SLC39A11: variants seen among roughly 807,000 people sequenced by gnomAD.
SLC39A11 encodes solute carrier family 39 member 11.
SLC39A11 carries 33 observed loss-of-function variants against 36.1 expected under a neutral mutation model. The ratio of observed to expected loss-of-function variants is 0.91; its 90% CI spans 0.69 to 1.22. The LOEUF (loss-of-function observed/expected upper bound fraction) is 1.22, where lower values mean the gene tolerates loss of function less well. Among genes scored for constraint, SLC39A11 ranks in the 50% most tolerant of loss-of-function variants. SLC39A11 has a pLI of 0.00. For synonymous variants in SLC39A11, 166 were observed against 170.3 expected (o/e 0.97, Z 0.20); for missense variants, 432 against 430.3 (o/e 1.00, Z -0.03).
At chr17:72,964,277 TA>T (rs1002180765) in intron 4 of SLC39A11, among the ~76,000 whole-genome samples, 1 of 152,228 alleles carries the variant, frequency 6.6e-6, no homozygotes, top group African/African-American at 2.4e-5. Flanking sequence ...CAAATTAACC[TA>T]AAGTTACAAA....
intron 7 of SLC39A11, among the ~76,000 whole-genome samples, chr17:72,664,621 C>A (rs1193005286): frequency 6.6e-6 from 1 of 152,194 alleles, no homozygotes; most frequent in Non-Finnish European, 1.5e-5. Context: ...CTGCTTCCAC[C>A]TTTGCCCCTA....
At chr17:72,673,239 G>A (rs2071096352) in intron 7 of SLC39A11, among the ~76,000 whole-genome samples, 1 of 152,066 alleles carries the variant, frequency 6.6e-6, no homozygotes, top group Non-Finnish European at 1.5e-5. Flanking sequence ...TGAGTAGCTG[G>A]GATTACAGGT....
rs151224730 is a variant in SLC39A11, at chr17:72,678,609, G to A, written c.672-29341C>T. Among the ~76,000 whole-genome samples, 746 of 152,186 alleles carry A rather than the reference G, an allele frequency of 4.9e-3. 11 individuals carry two copies. The highest frequency in any genetic ancestry group is 0.017 in the African/African-American group (712 of 41,514). On this transcript the variant is annotated intron_variant, in intron 7 of 9. Coordinates refer to ENST00000255559, the MANE Select transcript of SLC39A11 (RefSeq NM_139177.4). ...AATCCCAGCTACTCGGGAGGCTGAG[G>A]CAGGAGAATTGCTTGAACCCAGGAG...
Position 72,827,054 on chromosome 17 carries a change from C to T in SLC39A11, c.601+22580G>A, listed in dbSNP as rs185118237. 2.7e-3 allele frequency among the ~76,000 whole-genome samples: 410 copies of T among 152,212 alleles called. 1 individual carries two copies. Among genetic ancestry groups the T allele is most frequent in the Non-Finnish European group, 4.3e-3 (292 of 68,014 alleles). ...ATACAAAAACTTGTACATGAAAGTA[C>T]AGAGCAGCACTATTCATAATAGTCC... On this transcript the variant is annotated intron_variant, in intron 6 of 9. Transcript: ENST00000255559.
intron 4 of SLC39A11, among the ~76,000 whole-genome samples, chr17:72,968,172 C>T (rs2087159533): frequency 1.3e-5 from 2 of 152,080 alleles, no homozygotes; most frequent in African/African-American, 2.4e-5. Context: ...TAGCTGTTGC[C>T]CCAGAAACCC....
At position 73,031,648 on chromosome 17, in the gene SLC39A11, C is replaced by A. The variant is rs1250404649; in HGVS notation, c.214G>T (p.Gly72Cys). 1.2e-6 allele frequency: 2 copies of A among 1,614,124 alleles called. No individual in the cohort carries two copies. Among genetic ancestry groups the A allele is most frequent in the Non-Finnish European group, 1.7e-6 (2 of 1,180,024 alleles). The stretch of plus-strand genomic sequence containing the variant: ...GGGAAGAAGGCAAAGGCACCGAAGC[C>A]CCCAGAGGACGTGGCCATCTCAACT... Reference protein sequence around the residue: ...PAVEMATSSGGFGAFAFFPVA... With the variant: ...PAVEMATSSGCFGAFAFFPVA... The change falls in exon 4 of 10, where the codon GGC becomes TGC. Residue 72 changes from glycine to cysteine, a missense_variant. Gly to Cys is a radical substitution (Grantham distance 159). Transcript: ENST00000255559.
At chr17:72,702,708 G>A (rs912851400) in intron 7 of SLC39A11, among the ~76,000 whole-genome samples, 6 of 151,906 alleles carry the variant, frequency 3.9e-5, no homozygotes, top group East Asian at 1.9e-4. Flanking sequence ...AGGCTGAGGC[G>A]GGTGGATCAC....
At chr17:73,047,319 C>T (rs1368587650) in intron 3 of SLC39A11, among the ~76,000 whole-genome samples, 1 of 152,022 alleles carries the variant, frequency 6.6e-6, no homozygotes, top group African/African-American at 2.4e-5. Flanking sequence ...CCACCGCGCC[C>T]GGCAAGAAGA....
chr17:72,882,929 T>C (rs1225298709), intron 5 of SLC39A11, among the ~76,000 whole-genome samples: 3 of 151,734 alleles, frequency 2.0e-5, no homozygotes, highest in Non-Finnish European at 4.4e-5. Flanking sequence ...CCCCAGTAGC[T>C]GGGATTACAG....
At chr17:72,964,027 G>A (rs778801214) in intron 4 of SLC39A11, among the ~76,000 whole-genome samples, 5 of 152,124 alleles carry the variant, frequency 3.3e-5, no homozygotes, top group Admixed American at 1.3e-4. Context: ...GGCAAAAGCT[G>A]CTAGGACCCC....
intron 6 of SLC39A11, chr17:72,838,953 C>T (rs966986855): frequency 6.6e-6 from 1 of 152,186 alleles, no homozygotes; most frequent in African/African-American, 2.4e-5. Context: ...CCCCACTGCA[C>T]ATGTATAAGC....
In SLC39A11 at chr17:72,699,109, G is replaced by A. The variant is rs560982444; in HGVS notation, c.671+37541C>T. On this transcript the variant is annotated intron_variant, in intron 7 of 9. Coordinates refer to ENST00000255559, the MANE Select transcript of SLC39A11 (RefSeq NM_139177.4). ...CTCCCAAAGTGCTGGGATTACAGGG[G>A]TGAGCCACAGCGCCTGGCCGGAGGT... 2.2e-4 allele frequency among the ~76,000 whole-genome samples: 34 copies of A among 152,232 alleles called. No homozygotes were observed. In the South Asian group the frequency reaches 4.6e-3, roughly 20 times the overall value.
intron 4 of SLC39A11, among the ~76,000 whole-genome samples, chr17:73,017,653 C>T (rs1194295712): frequency 2.6e-5 from 4 of 152,046 alleles, no homozygotes; most frequent in African/African-American, 7.3e-5. Flanking sequence ...GCGGAGGTTG[C>T]GGTGAGCTAA....
At chr17:73,084,437 CAAAAAAAAA>C (rs67639617) in intron 3 of SLC39A11, among the ~76,000 whole-genome samples, 11 of 61,648 alleles carry the variant, frequency 1.8e-4, no homozygotes, top group African/African-American at 6.6e-4. Context: ...GGCTCTGTCT[CAAAAAAAAA>C]AAAAAAAAAA....
rs2086034773 is a variant in SLC39A11, at chr17:72,953,683, A to C, written c.307-5808T>G. Among the ~76,000 whole-genome samples, 8 of 152,362 alleles carry C rather than the reference A, an allele frequency of 5.3e-5. No individual in the cohort carries two copies. The South Asian group carries it at 1.4e-3, about 28-fold the overall frequency. On this transcript the variant is annotated intron_variant, in intron 4 of 9. Coordinates refer to ENST00000255559, the MANE Select transcript of SLC39A11 (RefSeq NM_139177.4). ...CCCTACAAAGCACGTTGGGTGTCATAGAACCGCAGACCCTGCAGCCCTCAA... is the reference window on the plus strand; with the variant it reads ...CCCTACAAAGCACGTTGGGTGTCATCGAACCGCAGACCCTGCAGCCCTCAA...
At chr17:72,915,751 C>T (rs1567946436) in intron 5 of SLC39A11, among the ~76,000 whole-genome samples, 1 of 152,250 alleles carries the variant, frequency 6.6e-6, no homozygotes, top group South Asian at 2.1e-4. Context: ...TCCCACGCCT[C>T]GTCAGCCTGG....
At chr17:72,827,490 G>A (rs919016288) in intron 6 of SLC39A11, among the ~76,000 whole-genome samples, 1 of 152,132 alleles carries the variant, frequency 6.6e-6, no homozygotes, top group Non-Finnish European at 1.5e-5. Flanking sequence ...TGAATTGTAG[G>A]CTGTGTGAGT....
At chr17:73,019,518 T>G (rs1324817718) in intron 4 of SLC39A11, among the ~76,000 whole-genome samples, 1 of 152,074 alleles carries the variant, frequency 6.6e-6, no homozygotes, top group Admixed American at 6.6e-5. Flanking sequence ...AATTACAAGG[T>G]AGACTATGAT....
chr17:72,860,405 C>G (rs1009274765), intron 5 of SLC39A11, among the ~76,000 whole-genome samples: 4 of 152,210 alleles, frequency 2.6e-5, no homozygotes, highest in Non-Finnish European at 5.9e-5. Context: ...GTGTGCGAGA[C>G]AGAATATACA....
Sources: gnomAD v4.1 joint callset for allele counts (sites outside exome capture counted in the v4.1 genomes callset) on GRCh38, gnomAD v4.1.1 for gene constraint, MANE v1.5 for transcripts, NCBI Gene and HGNC (gene_info 2026-07-23, HGNC 2026-07-21) for gene names.